DCC: variants seen among roughly 807,000 people sequenced by gnomAD.
DCC encodes the protein DCC netrin 1 receptor.
Under a neutral mutation model 172.5 loss-of-function variants are expected in DCC, and 58 were observed. The observed-to-expected ratio is 0.34, with a 90% CI of 0.27 to 0.42. The LOEUF (loss-of-function observed/expected upper bound fraction) is 0.42. Among genes scored for constraint, DCC ranks in the 10% least tolerant of loss-of-function variants. The pLI is 1.00. For synonymous variants in DCC, 709 were observed against 644.5 expected (o/e 1.10, Z -1.52); for missense variants, 1,740 against 1,791.0 (o/e 0.97, Z 0.51).
intron 7 of DCC, among the ~76,000 whole-genome samples, chr18:53,146,393 T>C (rs4939722): frequency 0.58 from 88,909 of 152,030 alleles, 26,801 homozygotes; most frequent in South Asian, 0.74. Flanking sequence ...CTGCATCCTC[T>C]ATGGAGCAGG....
chr18:52,759,389 C>T (rs756683386), intron 2 of DCC, among the ~76,000 whole-genome samples: 3 of 152,064 alleles, frequency 2.0e-5, no homozygotes, highest in Non-Finnish European at 4.4e-5. Context: ...ATAGTAGAAA[C>T]ATCAACAAAA....
At chr18:52,910,114 G>A (rs898139286) in intron 3 of DCC, among the ~76,000 whole-genome samples, 2 of 152,116 alleles carry the variant, frequency 1.3e-5, no homozygotes, top group East Asian at 1.9e-4. Context: ...TCATCCTGGA[G>A]AGAATTGACC....
chr18:53,298,904 A>G (rs1357991596), intron 12 of DCC, among the ~76,000 whole-genome samples: 1 of 152,198 alleles, frequency 6.6e-6, no homozygotes, highest in Non-Finnish European at 1.5e-5. Context: ...TAGACCCCAC[A>G]GTTGGGAAGT....
At chr18:52,775,568 C>T (rs1045117911) in intron 2 of DCC, among the ~76,000 whole-genome samples, 3 of 152,224 alleles carry the variant, frequency 2.0e-5, no homozygotes, top group African/African-American at 7.2e-5. Context: ...CAGAGTTGGG[C>T]TGCTGGGTGG....
At chr18:53,385,213 G>A (rs1041997521) in intron 15 of DCC, among the ~76,000 whole-genome samples, 3 of 152,032 alleles carry the variant, frequency 2.0e-5, no homozygotes, top group African/African-American at 7.2e-5. Flanking sequence ...GCAAACTACA[G>A]GTTACAAGTA....
chr18:53,082,698 A>G (rs1440992891), intron 7 of DCC, among the ~76,000 whole-genome samples: 1 of 152,202 alleles, frequency 6.6e-6, no homozygotes, highest in East Asian at 1.9e-4. Flanking sequence ...ACCTCTAAGT[A>G]TGTCTCTTTC....
In DCC at chr18:52,367,110, G is replaced by A. The variant is rs984094402; in HGVS notation, c.91+26232G>A. ...GCAGCGCCGGTGGGCTGGCACTGCT[G>A]GGGGACCCAGTACACCCTCCACAGC... On this transcript the variant is annotated intron_variant, in intron 1 of 28. Transcript: ENST00000442544. Among the ~76,000 whole-genome samples the A allele has an allele frequency of 5.3e-5, 8 of 152,326 alleles. No individual in the cohort carries two copies. The East Asian group carries it at 1.4e-3, about 26-fold the overall frequency.
intron 15 of DCC, among the ~76,000 whole-genome samples, chr18:53,349,935 A>G (rs1038372663): frequency 2.0e-5 from 3 of 152,212 alleles, no homozygotes; most frequent in African/African-American, 7.2e-5. Context: ...ACTAAAGTTG[A>G]ACTTCTGACT....
chr18:52,775,477 C>G (rs1230331989), intron 2 of DCC, among the ~76,000 whole-genome samples: 1 of 152,202 alleles, frequency 6.6e-6, no homozygotes, highest in Admixed American at 6.5e-5. Context: ...CACACGTGAG[C>G]TTGGAGAATG....
chr18:52,365,681 G>T (rs2144281970), intron 1 of DCC, among the ~76,000 whole-genome samples: 1 of 152,306 alleles, frequency 6.6e-6, no homozygotes, highest in East Asian at 1.9e-4. Flanking sequence ...TACTTACGCT[G>T]GGAGGACGTG....
At chr18:53,267,055 G>A (rs770783578) in intron 12 of DCC, among the ~76,000 whole-genome samples, 1 of 151,330 alleles carries the variant, frequency 6.6e-6, no homozygotes, top group Non-Finnish European at 1.5e-5. Flanking sequence ...TAATTGCTGA[G>A]TCATGCAATA....
In DCC at chr18:52,809,720, G is replaced by A. The variant is rs143895148; in HGVS notation, c.412+57346G>A. Among the ~76,000 whole-genome samples, 617 of 152,270 alleles carry A rather than the reference G, an allele frequency of 4.1e-3. 9 individuals carry two copies. Among genetic ancestry groups the A allele is most frequent in the Admixed American group, 0.029 (445 of 15,296 alleles). On this transcript the variant is annotated intron_variant, in intron 2 of 28. Coordinates refer to ENST00000442544, the MANE Select transcript of DCC (RefSeq NM_005215.4). Reference sequence around the variant, plus strand: ...CCTAACAAACACAGACCAGAAGAGCGTGCAGTTGCAAGATTTCATAGAGTG... The same window carrying A: ...CCTAACAAACACAGACCAGAAGAGCATGCAGTTGCAAGATTTCATAGAGTG...
At chr18:53,062,186 G>T (rs1382887659) in intron 5 of DCC, among the ~76,000 whole-genome samples, 2 of 151,980 alleles carry the variant, frequency 1.3e-5, no homozygotes, top group Non-Finnish European at 2.9e-5. Flanking sequence ...GAAAAATCAG[G>T]ACTTAAATCC....
intron 7 of DCC, among the ~76,000 whole-genome samples, chr18:53,128,862 CACACACACATAT>C (rs1352801675): frequency 9.2e-4 from 75 of 81,084 alleles, no homozygotes; most frequent in African/African-American, 2.8e-3. Flanking sequence ...CACACACACA[CACACACACATAT>C]ATATATATAT....
intron 14 of DCC, among the ~76,000 whole-genome samples, chr18:53,328,571 G>T (rs184564805): frequency 1.3e-5 from 2 of 152,242 alleles, no homozygotes; most frequent in East Asian, 3.9e-4. Flanking sequence ...ATCTGGCTCT[G>T]TCACCAAGGC....
At chr18:52,515,941 A>G (rs1013895561) in intron 1 of DCC, among the ~76,000 whole-genome samples, 3 of 151,382 alleles carry the variant, frequency 2.0e-5, no homozygotes, top group African/African-American at 2.4e-5. Flanking sequence ...AAAAAAAAAA[A>G]AAAGAAAATG....
At chr18:52,960,600 G>A (rs1052098282) in intron 5 of DCC, among the ~76,000 whole-genome samples, 7 of 152,048 alleles carry the variant, frequency 4.6e-5, no homozygotes, top group Non-Finnish European at 8.8e-5. Flanking sequence ...TGATATAAAT[G>A]TGATCATGTT....
intron 1 of DCC, among the ~76,000 whole-genome samples, chr18:52,449,518 A>G (rs1453701782): frequency 6.6e-6 from 1 of 152,224 alleles, no homozygotes; most frequent in Non-Finnish European, 1.5e-5. Context: ...AGAAGTGATA[A>G]CACTATAGCA....
intron 5 of DCC, among the ~76,000 whole-genome samples, chr18:52,985,804 A>T (rs73460726): frequency 1.3e-5 from 2 of 151,934 alleles, no homozygotes; most frequent in Non-Finnish European, 2.9e-5. Flanking sequence ...TCAACTATTT[A>T]AGCTTTTCTA....
Sources: allele counts gnomAD v4.1 joint callset (sites outside exome capture counted in the v4.1 genomes callset), GRCh38; gene constraint gnomAD v4.1.1; transcripts MANE v1.5; gene names NCBI Gene and HGNC (gene_info 2026-07-23, HGNC 2026-07-21).